Variants in MYOCD observed in about 807,000 individuals in gnomAD.
MYOCD encodes myocardin.
Under a neutral mutation model 96.1 loss-of-function variants are expected in MYOCD, and 32 were observed. The ratio of observed to expected loss-of-function variants is 0.33; its 90% CI spans 0.25 to 0.45. MYOCD has a LOEUF of 0.45. Ranked by LOEUF, MYOCD falls within the 20% of genes least tolerant of loss-of-function variation. The probability of loss-of-function intolerance (pLI) is 1.00; values close to 1 mark genes in which losing one functional copy is unlikely to be tolerated. For synonymous variants in MYOCD, 469 were observed against 469.0 expected, an observed-to-expected ratio of 1.00 and a Z score of 0.00; for missense variants, 1,133 against 1,200.6, an observed-to-expected ratio of 0.94 and a Z score of 0.83.
intron 5 of MYOCD, among the ~76,000 whole-genome samples, chr17:12,725,284 A>C (rs988840439): frequency 1.3e-5 from 2 of 151,396 alleles, no homozygotes; most frequent in South Asian, 4.1e-4. Context: ...CAACAACATG[A>C]TTAGCATATT....
intron 9 of MYOCD, among the ~76,000 whole-genome samples, chr17:12,748,181 A>T (rs1278366366): frequency 6.6e-6 from 1 of 150,834 alleles, no homozygotes; most frequent in Non-Finnish European, 1.5e-5. Flanking sequence ...AAAAAAAACA[A>T]AAAAACAAAA....
intron 1 of MYOCD, among the ~76,000 whole-genome samples, chr17:12,680,808 C>T (rs981282941): frequency 1.3e-5 from 2 of 152,152 alleles, no homozygotes; most frequent in Admixed American, 1.3e-4. Flanking sequence ...AAAAGTTCCC[C>T]GCGGCTGAAC....
intron 5 of MYOCD, among the ~76,000 whole-genome samples, chr17:12,729,062 T>C (rs1484112193): frequency 6.6e-6 from 1 of 152,230 alleles, no homozygotes; most frequent in Non-Finnish European, 1.5e-5. Flanking sequence ...CCCTCTCTGA[T>C]CGTTCATTTT....
At chr17:12,715,177 T>G (rs887603744) in intron 2 of MYOCD, among the ~76,000 whole-genome samples, 9 of 152,162 alleles carry the variant, frequency 5.9e-5, no homozygotes, top group African/African-American at 2.2e-4. Flanking sequence ...TACCCAAGTC[T>G]ACACCTCTCC....
intron 6 of MYOCD, among the ~76,000 whole-genome samples, chr17:12,736,643 T>C (rs557462385): frequency 6.6e-6 from 1 of 152,258 alleles, no homozygotes; most frequent in South Asian, 2.1e-4. Flanking sequence ...TAGCTAAGAC[T>C]CAGTGAGATT....
At chr17:12,688,803 G>T (rs2030291380) in intron 1 of MYOCD, among the ~76,000 whole-genome samples, 1 of 150,530 alleles carries the variant, frequency 6.6e-6, no homozygotes, top group Non-Finnish European at 1.5e-5. Context: ...TGGGCCCTGG[G>T]TGGCAGCCCA....
At chr17:12,760,483 A>G (rs1457162377) in intron 12 of MYOCD, 167 bp from the exon 13 acceptor site, 1 of 618,254 alleles carries the variant, frequency 1.6e-6, no homozygotes, top group African/African-American at 1.8e-5. Context: ...CTGTACACTT[A>G]AAAATGGTTG....
intron 1 of MYOCD, among the ~76,000 whole-genome samples, chr17:12,676,951 G>T: frequency 6.6e-6 from 1 of 152,180 alleles, no homozygotes; most frequent in East Asian, 1.9e-4. Context: ...TGAGGTTTTA[G>T]TGGAAAAGCA....
At chr17:12,737,272 A>G (rs1357337189) in intron 6 of MYOCD, among the ~76,000 whole-genome samples, 1 of 152,192 alleles carries the variant, frequency 6.6e-6, no homozygotes, top group Admixed American at 6.5e-5. Flanking sequence ...GGAAAAAAAA[A>G]GAATAATGAT....
At chr17:12,721,949 A>G (rs1049605024) in intron 4 of MYOCD, among the ~76,000 whole-genome samples, 3 of 152,202 alleles carry the variant, frequency 2.0e-5, no homozygotes, top group African/African-American at 7.2e-5. Flanking sequence ...GCCTGTGGCA[A>G]CCAATAAGAC....
chr17:12,763,946 C>A lies in MYOCD; in HGVS notation c.*302C>A. The A allele has an allele frequency of 4.2e-6, 1 of 238,674 alleles. No individual in the cohort carries two copies. The allele number at this position is 238,674 out of a possible 1,614,324, so 14.8% of individuals were successfully genotyped here. On this transcript the variant is annotated 3_prime_UTR_variant, in exon 14 of 14. Transcript: ENST00000425538. ...TCAAAGACCAGTATATTTTCTAGCC[C>A]ATAATTTTTCTCAGGCATTGTTGGG... is the stretch of plus-strand genomic sequence containing the variant.
chr17:12,744,093 C>A, intron 7 of MYOCD, 90 bp from the exon 8 acceptor site: 1 of 1,466,420 alleles, frequency 6.8e-7, no homozygotes, highest in Admixed American at 2.1e-5. Flanking sequence ...GAATGGCCAT[C>A]AGACAAAACT....
chr17:12,680,901 G>C (rs573119856), intron 1 of MYOCD, among the ~76,000 whole-genome samples: 58 of 151,828 alleles, frequency 3.8e-4, no homozygotes, highest in Non-Finnish European at 7.8e-4. Context: ...TTTTGATGAG[G>C]TTCCCTACAC....
Position 12,764,468 on chromosome 17 carries a change from C to T in MYOCD, c.*824C>T, listed in dbSNP as rs1323864510. Reference sequence around the variant, plus strand: ...AGATGCCACAAGCTCTCCAACACAGCCCCCTTTAGTTCCAAAGACTAGAGA... The same window carrying T: ...AGATGCCACAAGCTCTCCAACACAGTCCCCTTTAGTTCCAAAGACTAGAGA... On this transcript the variant is annotated 3_prime_UTR_variant, in exon 14 of 14. Transcript: ENST00000425538. The T allele has an allele frequency of 1.3e-5, 2 of 152,406 alleles. No individual in the cohort carries two copies. The highest frequency in any genetic ancestry group is 2.4e-5 in the African/African-American group (1 of 41,450). The allele number at this position is 152,406 out of a possible 1,614,324, so 9.4% of individuals were successfully genotyped here.
intron 1 of MYOCD, among the ~76,000 whole-genome samples, chr17:12,672,532 A>G (rs1597719848): frequency 6.6e-6 from 1 of 152,380 alleles, no homozygotes; most frequent in East Asian, 1.9e-4. Context: ...TTAAAATAAA[A>G]TGTATCATTT....
chr17:12,704,030 G>A (rs1048167177), intron 1 of MYOCD, among the ~76,000 whole-genome samples: 4 of 152,056 alleles, frequency 2.6e-5, no homozygotes, highest in Non-Finnish European at 5.9e-5. Flanking sequence ...GACCCATCTC[G>A]AGGTTTGCAT....
intron 6 of MYOCD, among the ~76,000 whole-genome samples, chr17:12,737,000 A>G (rs892631458): frequency 6.6e-6 from 1 of 152,220 alleles, no homozygotes; most frequent in African/African-American, 2.4e-5. Flanking sequence ...CACGCCTGCA[A>G]TCCCGGCACT....
intron 9 of MYOCD, among the ~76,000 whole-genome samples, chr17:12,749,492 A>C (rs1242599440): frequency 6.6e-6 from 1 of 150,864 alleles, no homozygotes; most frequent in African/African-American, 2.4e-5. Flanking sequence ...TCGCACCACT[A>C]CACTCCAGCC....
intron 6 of MYOCD, among the ~76,000 whole-genome samples, chr17:12,738,805 GTC>G (rs1480836707): frequency 6.6e-6 from 1 of 151,400 alleles, no homozygotes; most frequent in African/African-American, 2.4e-5. Flanking sequence ...GGTGGACCTT[GTC>G]ACACACAGGT....
Sources: allele counts gnomAD v4.1 joint callset (sites outside exome capture counted in the v4.1 genomes callset), GRCh38; gene constraint gnomAD v4.1.1; transcripts MANE v1.5; gene names NCBI Gene and HGNC (gene_info 2026-07-23, HGNC 2026-07-21).